CRB1: variants seen among roughly 807,000 people sequenced by gnomAD.
CRB1 encodes the protein crumbs cell polarity complex component 1.
CRB1 carries 83 observed loss-of-function variants against 120.0 expected under a neutral mutation model. The observed-to-expected ratio is 0.69, with a 90% CI of 0.58 to 0.83. The LOEUF (loss-of-function observed/expected upper bound fraction) is 0.83, where lower values mean the gene tolerates loss of function less well. Among genes scored for constraint, CRB1 ranks in the 40% least tolerant of loss-of-function variants. The pLI, the probability that CRB1 is intolerant of heterozygous loss-of-function variation, is 0.00. For synonymous variants in CRB1, 625 were observed against 612.5 expected (o/e 1.02, Z -0.30); for missense variants, 1,699 against 1,687.6 (o/e 1.01, Z -0.12).
the CRB1 span, among the ~76,000 whole-genome samples, chr1:197,252,580 A>ATGTG: frequency 3.5e-3 from 79 of 22,314 alleles, 1 homozygote; most frequent in Middle Eastern, 0.033. Context: ...ATATATATAT[A>ATGTG]TATGTGTGTG....
At chr1:197,306,016 A>T (rs1434161617) in intron 1 of CRB1, among the ~76,000 whole-genome samples, 2 of 152,102 alleles carry the variant, frequency 1.3e-5, no homozygotes, top group East Asian at 3.9e-4. Flanking sequence ...GATGGATGAT[A>T]GGTGGGGAAA....
chr1:197,310,161 C>T (rs546368652), intron 1 of CRB1, among the ~76,000 whole-genome samples: 1 of 152,234 alleles, frequency 6.6e-6, no homozygotes, highest in East Asian at 1.9e-4. Flanking sequence ...GAAGACACTA[C>T]ATTATTGAAA....
the CRB1 span, among the ~76,000 whole-genome samples, chr1:197,205,066 C>T: frequency 3.3e-5 from 5 of 152,242 alleles, no homozygotes; most frequent in Non-Finnish European, 5.9e-5. Flanking sequence ...TCAGCTTGGA[C>T]GCTGTTGGTG....
intron 6 of CRB1, chr1:197,422,948 C>T (rs1000223150): frequency 4.6e-5 from 7 of 152,104 alleles, no homozygotes; most frequent in African/African-American, 1.7e-4. Context: ...TCAAGGGTTT[C>T]CCCCGACCAC....
At chr1:197,326,435 CT>C (rs1383587701) in intron 1 of CRB1, among the ~76,000 whole-genome samples, 1 of 151,998 alleles carries the variant, frequency 6.6e-6, no homozygotes, top group Non-Finnish European at 1.5e-5. Flanking sequence ...CGAGACCACC[CT>C]GGCGGCAACA....
At chr1:197,377,601 CTTGACATATCATAAT>C (rs1267268124) in intron 5 of CRB1, among the ~76,000 whole-genome samples, 10 of 152,190 alleles carry the variant, frequency 6.6e-5, no homozygotes, top group Non-Finnish European at 1.2e-4. Flanking sequence ...TTCCATGCCA[CTTGACATATCATAAT>C]TTGAAAAATG....
chr1:197,438,766 T>C, intron 10 of CRB1, 91 bp downstream of exon 10: 1 of 1,492,674 alleles, frequency 6.7e-7, no homozygotes, highest in Non-Finnish European at 9.3e-7. Context: ...ATTTTTTATC[T>C]CAGTTCCCAT....
At position 197,312,894 on chromosome 1, in the gene CRB1, CA is replaced by C. The variant is rs372519663; in HGVS notation, c.71-15527del. Among the ~76,000 whole-genome samples, 475 of 152,260 alleles carry C rather than the reference CA, an allele frequency of 3.1e-3. 1 individual carries two copies. The highest frequency in any genetic ancestry group is 0.011 in the African/African-American group (453 of 41,554). ...TATCAAGTGCATTAATCCCTTTCAA[CA>C]GTATTTTATCCAGTTAAGTTTTTTT... On this transcript the variant is annotated intron_variant, in intron 1 of 11. Coordinates refer to ENST00000367400, the MANE Select transcript of CRB1 (RefSeq NM_201253.3).
chr1:197,333,974 T>A (rs1659003438), intron 2 of CRB1, among the ~76,000 whole-genome samples: 1 of 152,210 alleles, frequency 6.6e-6, no homozygotes, highest in Non-Finnish European at 1.5e-5. Context: ...ATGAAACAAA[T>A]GCATTAAAAG....
At chr1:197,230,545 C>CTATGTGGCAA in the CRB1 span, among the ~76,000 whole-genome samples, 4 of 152,048 alleles carry the variant, frequency 2.6e-5, no homozygotes, top group African/African-American at 9.7e-5. Flanking sequence ...GAAATAATCA[C>CTATGTGGCAA]TATGTGGCAA....
chr1:197,390,086 G>A (rs921801971), intron 5 of CRB1, among the ~76,000 whole-genome samples: 33 of 144,070 alleles, frequency 2.3e-4, no homozygotes, highest in African/African-American at 8.4e-4. Flanking sequence ...AGGAGACACT[G>A]TAGAAAGGAA....
intron 5 of CRB1, among the ~76,000 whole-genome samples, chr1:197,375,838 C>T (rs925170128): frequency 3.4e-4 from 52 of 152,164 alleles, no homozygotes; most frequent in Admixed American, 3.3e-3. Context: ...GCATACACCT[C>T]CTCAGATATC....
chr1:197,312,404 A>AC (rs1406247864), intron 1 of CRB1, among the ~76,000 whole-genome samples: 1 of 152,144 alleles, frequency 6.6e-6, no homozygotes, highest in Non-Finnish European at 1.5e-5. Context: ...TCTCTACTAA[A>AC]AATACAAAAA....
rs539264607 is a variant in CRB1, at chr1:197,292,451, C to G, written c.70+23969C>G. Among the ~76,000 whole-genome samples the G allele has an allele frequency of 2.6e-5, 4 of 152,120 alleles. No individual in the cohort carries two copies. In the East Asian group the frequency reaches 7.7e-4, roughly 29 times the overall value. On this transcript the variant is annotated intron_variant, in intron 1 of 11. Coordinates refer to ENST00000367400, the MANE Select transcript of CRB1 (RefSeq NM_201253.3). ...CACCCAAAATAAGTCCAGGACTAGA[C>G]AGATTCACAGCCGAATTCTACCAGA... is the stretch of plus-strand genomic sequence containing the variant.
chr1:197,428,143 G>T, intron 7 of CRB1, 142 bp downstream of exon 7: 1 of 768,840 alleles, frequency 1.3e-6, no homozygotes, highest in Non-Finnish European at 2.1e-6. Flanking sequence ...CATCTATATT[G>T]TTCCAACAAG....
chr1:197,293,464 T>C (rs942503023), intron 1 of CRB1, among the ~76,000 whole-genome samples: 3 of 152,036 alleles, frequency 2.0e-5, no homozygotes, highest in African/African-American at 7.3e-5. Context: ...GAAGAATCAA[T>C]ATCGTGAAAA....
chr1:197,294,947 C>T (rs1282170530), intron 1 of CRB1, among the ~76,000 whole-genome samples: 9 of 151,952 alleles, frequency 5.9e-5, no homozygotes, highest in African/African-American at 2.2e-4. Context: ...AGGAGATATA[C>T]CTAATGTAAA....
At chr1:197,414,411 C>A (rs192569798) in intron 5 of CRB1, among the ~76,000 whole-genome samples, 2 of 151,918 alleles carry the variant, frequency 1.3e-5, no homozygotes, top group African/African-American at 4.8e-5. Flanking sequence ...ATAAAGTCTA[C>A]GTTCCTTTTA....
At chr1:197,311,809 T>C in intron 1 of CRB1, among the ~76,000 whole-genome samples, 1 of 151,926 alleles carries the variant, frequency 6.6e-6, no homozygotes, top group East Asian at 1.9e-4. Context: ...ATTAATATTA[T>C]TTATATCTTT....
Sources: allele counts gnomAD v4.1 joint callset (sites outside exome capture counted in the v4.1 genomes callset), GRCh38; gene constraint gnomAD v4.1.1; transcripts MANE v1.5; gene names NCBI Gene and HGNC (gene_info 2026-07-23, HGNC 2026-07-21).